Variants in PRKN observed in about 807,000 individuals in gnomAD.
The protein encoded by PRKN is parkin RBR E3 ubiquitin protein ligase.
PRKN carries 56 observed loss-of-function variants against 59.5 expected under a neutral mutation model. The ratio of observed to expected loss-of-function variants is 0.94; its 90% CI spans 0.76 to 1.18. The LOEUF is 1.18. PRKN is among the 50% of genes most tolerant of loss of function. The probability of loss-of-function intolerance (pLI) is 0.00; values close to 1 mark genes in which losing one functional copy is unlikely to be tolerated. For synonymous variants in PRKN, 250 were observed against 222.1 expected (o/e 1.13, Z -1.12); for missense variants, 657 against 596.4 (o/e 1.10, Z -1.06).
intron 6 of PRKN, among the ~76,000 whole-genome samples, chr6:161,869,517 A>T (rs560367659): frequency 1.2e-4 from 19 of 152,192 alleles, no homozygotes; most frequent in Non-Finnish European, 2.9e-5. Flanking sequence ...CAATGATTAT[A>T]TTTTTTAGTA....
At chr6:162,517,838 C>G (rs1244393098) in intron 1 of PRKN, among the ~76,000 whole-genome samples, 2 of 152,078 alleles carry the variant, frequency 1.3e-5, no homozygotes, top group Non-Finnish European at 1.5e-5. Context: ...AACCAACAAT[C>G]TTTTAGACTT....
intron 6 of PRKN, among the ~76,000 whole-genome samples, chr6:161,939,386 C>A (rs942512218): frequency 1.5e-5 from 2 of 131,008 alleles, no homozygotes; most frequent in Non-Finnish European, 3.1e-5. Context: ...CCACTGCACT[C>A]CAGGCCTGGG....
intron 6 of PRKN, among the ~76,000 whole-genome samples, chr6:161,874,448 T>TATATATTATATGTAAA (rs1277811038): frequency 0.041 from 3,125 of 76,368 alleles, 37 homozygotes; most frequent in Non-Finnish European, 0.045. Flanking sequence ...ATATATAAAA[T>TATATATTATATGTAAA]ATATATTATA....
intron 4 of PRKN, among the ~76,000 whole-genome samples, chr6:162,198,229 A>T (rs1290839769): frequency 2.0e-5 from 3 of 152,156 alleles, no homozygotes; most frequent in Non-Finnish European, 4.4e-5. Context: ...AGGTGGTCAC[A>T]TGACTGGGCT....
At chr6:162,672,922 T>C (rs560564620) in intron 1 of PRKN, among the ~76,000 whole-genome samples, 1 of 152,172 alleles carries the variant, frequency 6.6e-6, no homozygotes, top group Non-Finnish European at 1.5e-5. Flanking sequence ...ACTACACTTA[T>C]AAGAATATAT....
chr6:162,512,886 G>C (rs1770973593), intron 1 of PRKN, among the ~76,000 whole-genome samples: 1 of 152,100 alleles, frequency 6.6e-6, no homozygotes, highest in African/African-American at 2.4e-5. Context: ...AGTGATAAAA[G>C]ATCAGTCTAG....
At chr6:162,415,334 G>T (rs1226838969) in intron 2 of PRKN, among the ~76,000 whole-genome samples, 1 of 152,182 alleles carries the variant, frequency 6.6e-6, no homozygotes, top group Non-Finnish European at 1.5e-5. Context: ...TGCAGCAATT[G>T]TGTGGAGGCA....
chr6:162,086,897 G>GA (rs1779269747), intron 4 of PRKN, among the ~76,000 whole-genome samples: 2 of 152,182 alleles, frequency 1.3e-5, no homozygotes, highest in African/African-American at 4.8e-5. Flanking sequence ...GTTCGTATTT[G>GA]TGGAATGAAA....
intron 1 of PRKN, among the ~76,000 whole-genome samples, chr6:162,547,731 C>T (rs1051698731): frequency 6.6e-6 from 1 of 152,040 alleles, no homozygotes; most frequent in Non-Finnish European, 1.5e-5. Context: ...CAGGCACACA[C>T]CACCACAATG....
At position 162,329,038 on chromosome 6, in the gene PRKN, T is replaced by C. The variant is rs1357875903; in HGVS notation, c.172-66273A>G. Among the ~76,000 whole-genome samples, 4 of 152,206 alleles carry C rather than the reference T, an allele frequency of 2.6e-5. No individual in the cohort carries two copies. In the East Asian group the frequency reaches 7.7e-4, roughly 29 times the overall value. On this transcript the variant is annotated intron_variant, in intron 2 of 11. Coordinates refer to ENST00000366898, the MANE Select transcript of PRKN (RefSeq NM_004562.3). ...AATGGCATTCCCTCATTTATATATA[T>C]AAGTGCGTATCTGTATGTGTTCGGG...
In PRKN at chr6:161,858,858, C is replaced by CTTTTTTTTTTTTTTTTTTTTT. The variant is rs71544920; in HGVS notation, c.735-72951_735-72950insAAAAAAAAAAAAAAAAAAAAA. On this transcript the variant is annotated intron_variant, in intron 6 of 11. Transcript: ENST00000366898. ...CTTTCAATTAACTAGCACAGCTGTA[C>CTTTTTTTTTTTTTTTTTTTTT]TTTTTTTTTTTTTTTTTTTTGAGAC... is the stretch of plus-strand genomic sequence containing the variant. 3.9e-4 allele frequency among the ~76,000 whole-genome samples: 28 copies of CTTTTTTTTTTTTTTTTTTTTT among 71,942 alleles called. 8 individuals are homozygous for CTTTTTTTTTTTTTTTTTTTTT. The highest frequency in any genetic ancestry group is 6.2e-4 in the Non-Finnish European group (23 of 37,040). 47.2% of individuals were successfully genotyped at this position (71,942 alleles called of 152,430 possible). A position where few individuals can be genotyped will look rare whatever the true frequency, so the allele number is the denominator to read the frequency against.
intron 1 of PRKN, among the ~76,000 whole-genome samples, chr6:162,652,839 C>G (rs1006756943): frequency 6.6e-6 from 1 of 151,958 alleles, no homozygotes; most frequent in Non-Finnish European, 1.5e-5. Flanking sequence ...GAACTAACCC[C>G]CCGATAAGAT....
In PRKN at chr6:161,560,159, G is replaced by A. The variant is rs568489244; in HGVS notation, c.933+9196C>T. ...ATTTCCATGCTTCCCTCTCTCCTAA[G>A]CCTTTTTTCTGTGTCCCCTGAAATT... On this transcript the variant is annotated intron_variant, in intron 8 of 11. Coordinates refer to ENST00000366898, the MANE Select transcript of PRKN (RefSeq NM_004562.3). This position sits in a 1 kb window ranked among gnomAD's most constrained non-coding sequence, Gnocchi z 4.9. Among the ~76,000 whole-genome samples the A allele has an allele frequency of 3.9e-5, 6 of 152,158 alleles. No homozygotes were observed. In the East Asian group the frequency reaches 1.2e-3, roughly 29 times the overall value.
intron 9 of PRKN, among the ~76,000 whole-genome samples, chr6:161,472,810 C>A (rs1360943177): frequency 1.3e-5 from 2 of 152,168 alleles, no homozygotes; most frequent in Admixed American, 1.3e-4. Context: ...TAGCAAAAAA[C>A]CCCAAATAAC....
chr6:161,543,275 C>T (rs1282179147), intron 9 of PRKN, among the ~76,000 whole-genome samples: 3 of 152,146 alleles, frequency 2.0e-5, no homozygotes, highest in Admixed American at 2.0e-4. Flanking sequence ...TTCAAAATAA[C>T]CATTTTCACC....
chr6:161,800,861 T>C (rs1374341822), intron 6 of PRKN, among the ~76,000 whole-genome samples: 4 of 152,182 alleles, frequency 2.6e-5, no homozygotes, highest in Admixed American at 1.3e-4. Flanking sequence ...ATGTGCCATG[T>C]TTCCTGCTAA....
At chr6:161,627,943 T>G (rs889849082) in intron 7 of PRKN, among the ~76,000 whole-genome samples, 7 of 152,232 alleles carry the variant, frequency 4.6e-5, no homozygotes, top group African/African-American at 1.2e-4. Context: ...TTTTTATTTT[T>G]TATTTTTTGG....
chr6:162,544,672 A>ATT (rs11296683), intron 1 of PRKN, among the ~76,000 whole-genome samples: 133 of 71,498 alleles, frequency 1.9e-3, no homozygotes, highest in South Asian at 9.8e-3. Context: ...TTTATTGTTG[A>ATT]TTTTTTTTTT....
chr6:162,682,741 T>C (rs1779819275), intron 1 of PRKN, among the ~76,000 whole-genome samples: 2 of 151,964 alleles, frequency 1.3e-5, no homozygotes, highest in African/African-American at 2.4e-5. Context: ...AATTTACCCA[T>C]GTAACAAACT....
Sources: gnomAD v4.1 joint callset for allele counts (sites outside exome capture counted in the v4.1 genomes callset) on GRCh38, gnomAD v4.1.1 for gene constraint, Gnocchi (gnomAD v3.1) non-coding constraint, MANE v1.5 for transcripts, NCBI Gene and HGNC (gene_info 2026-07-23, HGNC 2026-07-21) for gene names.